ADCY8: variants seen among roughly 807,000 people sequenced by gnomAD.
The protein encoded by ADCY8 is adenylate cyclase 8.
A neutral mutation model predicts 119.7 loss-of-function variants in ADCY8; 51 were observed. That is an observed-to-expected ratio of 0.43 (90% CI 0.34 to 0.54). The LOEUF (loss-of-function observed/expected upper bound fraction) is 0.54. ADCY8 is among the 20% of genes least tolerant of loss of function. ADCY8 has a pLI of 0.03. For synonymous variants in ADCY8, 665 were observed against 651.0 expected (o/e 1.02, Z -0.33); for missense variants, 1,383 against 1,598.8 (o/e 0.87, Z 2.30).
chr8:130,798,382 T>A (rs2130101490), intron 15 of ADCY8, among the ~76,000 whole-genome samples: 1 of 152,282 alleles, frequency 6.6e-6, no homozygotes. Flanking sequence ...TTTCAGCTGG[T>A]CATGGAGTCG....
rs893713388 is a variant in ADCY8, at chr8:130,867,889, G to A, written c.2167C>T (p.Leu723Phe). ...KSNLVCAFIVLLFITAIQSLL... is the reference protein window; with the variant it reads ...KSNLVCAFIVFLFITAIQSLL... Reference sequence around the variant, plus strand: ...CTTTGTATTGCCGTGATAAATAGAAGAACGATAAATGCACAGACCAAGTTT... The same window carrying A: ...CTTTGTATTGCCGTGATAAATAGAAAAACGATAAATGCACAGACCAAGTTT... Residue 723 changes from leucine to phenylalanine, a missense_variant, in exon 9 of 18, where the codon CTT (leucine) becomes TTT (phenylalanine). By Grantham distance (22) the Leu-to-Phe change is conservative. Around this residue, in one of 2 missense-constraint regions of ADCY8, gnomAD observed 928 missense variants for 1,163.5 expected, o/e 0.80. Transcript: ENST00000286355. 1.1e-5 allele frequency: 17 copies of A among 1,611,500 alleles called. No individual in the cohort carries two copies. The highest frequency in any genetic ancestry group is 1.4e-5 in the Non-Finnish European group (16 of 1,178,736).
intron 2 of ADCY8, among the ~76,000 whole-genome samples, chr8:130,966,970 A>G (rs1001638037): frequency 5.9e-5 from 9 of 152,340 alleles, no homozygotes; most frequent in East Asian, 5.8e-4. Context: ...CACTCTTAGA[A>G]AAAAGGAATT....
chr8:130,793,210 G>T (rs1423934228), intron 15 of ADCY8, among the ~76,000 whole-genome samples: 1 of 152,086 alleles, frequency 6.6e-6, no homozygotes, highest in African/African-American at 2.4e-5. Context: ...CTATGGATCA[G>T]TTCCACGTCC....
intron 7 of ADCY8, among the ~76,000 whole-genome samples, chr8:130,887,179 T>C (rs1161819376): frequency 6.6e-6 from 1 of 152,212 alleles, no homozygotes; most frequent in African/African-American, 2.4e-5. Flanking sequence ...CATTGCTTCC[T>C]GGTTGCCTGT....
intron 2 of ADCY8, among the ~76,000 whole-genome samples, chr8:130,976,890 T>G (rs1822088403): frequency 6.6e-6 from 1 of 152,222 alleles, no homozygotes; most frequent in South Asian, 2.1e-4. Flanking sequence ...GAGCTCATTT[T>G]ATATCAAAAC....
At chr8:130,952,602 C>A (rs977006806) in intron 2 of ADCY8, among the ~76,000 whole-genome samples, 4 of 152,136 alleles carry the variant, frequency 2.6e-5, no homozygotes, top group Admixed American at 1.3e-4. Flanking sequence ...TTAATTCCAA[C>A]TACAACTGAA....
At chr8:130,838,395 T>G (rs1034258565) in intron 11 of ADCY8, among the ~76,000 whole-genome samples, 4 of 152,198 alleles carry the variant, frequency 2.6e-5, no homozygotes, top group Admixed American at 6.5e-5. Flanking sequence ...TTTAAGATCT[T>G]GGGGAAGATT....
intron 11 of ADCY8, among the ~76,000 whole-genome samples, chr8:130,844,780 G>A (rs1433758727): frequency 6.6e-6 from 1 of 152,164 alleles, no homozygotes; most frequent in Non-Finnish European, 1.5e-5. Flanking sequence ...TGTGGCTGTA[G>A]TTTGCTGACC....
rs141959830 is a variant in ADCY8, at chr8:130,879,376, G to C, written c.2109+5188C>G. 3.7e-4 allele frequency among the ~76,000 whole-genome samples: 57 copies of C among 152,274 alleles called. No individual in the cohort carries two copies. In the East Asian group the frequency reaches 9.3e-3, roughly 25 times the overall value. On this transcript the variant is annotated intron_variant, in intron 8 of 17. Coordinates refer to ENST00000286355, the MANE Select transcript of ADCY8 (RefSeq NM_001115.3). ...CCATCAAGGTATAAGAAATGTGCAA[G>C]TCACAAAAGGAGAATTATAAAGGCC... is the stretch of plus-strand genomic sequence containing the variant.
At chr8:130,906,864 C>T (rs746436039) in intron 6 of ADCY8, among the ~76,000 whole-genome samples, 14 of 151,288 alleles carry the variant, frequency 9.3e-5, no homozygotes, top group African/African-American at 1.7e-4. Context: ...ATATAATTTC[C>T]GTTCTTTCAA....
chr8:130,849,742 T>G lies in ADCY8; in HGVS notation c.2272A>C (p.Ile758Leu). 1 of 1,613,926 alleles carries G rather than the reference T, an allele frequency of 6.2e-7. No homozygotes were observed. The change falls in exon 10 of 18, where the codon ATC becomes CTC. Residue 758 changes from isoleucine (I) to leucine (L), a missense_variant. Transcript: ENST00000286355. ...LIMLHSALVLITTAEDYKCLP... is the reference protein window; with the variant it reads ...LIMLHSALVLLTTAEDYKCLP... ...CATTTATAATCCTCTGCTGTGGTGA[T>G]GAGGACCAGAGCCGAGTGCAGCATA...
intron 6 of ADCY8, among the ~76,000 whole-genome samples, chr8:130,905,830 A>G (rs1223942162): frequency 6.6e-6 from 1 of 152,212 alleles, no homozygotes; most frequent in Admixed American, 6.5e-5. Flanking sequence ...ACTGCACTTC[A>G]TTCTGGAGGA....
chr8:130,959,370 C>T (rs1200844519), intron 2 of ADCY8, among the ~76,000 whole-genome samples: 1 of 152,106 alleles, frequency 6.6e-6, no homozygotes, highest in Non-Finnish European at 1.5e-5. Flanking sequence ...ACACATTCTT[C>T]ATTTAATCTT....
chr8:131,034,548 A>AT (rs1413577662), intron 1 of ADCY8, among the ~76,000 whole-genome samples: 2 of 152,080 alleles, frequency 1.3e-5, no homozygotes, highest in Non-Finnish European at 2.9e-5. Context: ...ATTCTTTAGC[A>AT]TTTTTCTGGC....
intron 9 of ADCY8, among the ~76,000 whole-genome samples, chr8:130,864,465 G>T (rs893960829): frequency 6.6e-6 from 1 of 151,840 alleles, no homozygotes; most frequent in Non-Finnish European, 1.5e-5. Flanking sequence ...TCTCCTTTTG[G>T]TAATCTAATT....
At chr8:130,928,584 T>C (rs557922628) in intron 5 of ADCY8, among the ~76,000 whole-genome samples, 7 of 152,362 alleles carry the variant, frequency 4.6e-5, no homozygotes, top group Non-Finnish European at 8.8e-5. Context: ...TATTGATCCA[T>C]GTATGTTGAA....
intron 1 of ADCY8, among the ~76,000 whole-genome samples, chr8:131,022,817 C>T (rs1486956488): frequency 2.0e-5 from 3 of 152,140 alleles, no homozygotes; most frequent in Non-Finnish European, 4.4e-5. Context: ...ATGTAAGTGG[C>T]TCCAGGGTAG....
chr8:130,969,611 T>C (rs73348549), intron 2 of ADCY8, among the ~76,000 whole-genome samples: 4,953 of 152,314 alleles, frequency 0.033, 201 homozygotes, highest in African/African-American at 0.091. Flanking sequence ...CTGGCCACAA[T>C]GATTTGCCAA....
chr8:130,865,214 T>A (rs1049504821), intron 9 of ADCY8, among the ~76,000 whole-genome samples: 5 of 152,154 alleles, frequency 3.3e-5, no homozygotes, highest in Admixed American at 1.3e-4. Context: ...TCTGTCAATC[T>A]TTTAAATTTT....
Sources: gnomAD v4.1 joint callset for allele counts (sites outside exome capture counted in the v4.1 genomes callset) on GRCh38, gnomAD v4.1.1 for gene constraint, gnomAD v4.1.1 regional missense constraint, MANE v1.5 for transcripts, NCBI Gene and HGNC (gene_info 2026-07-23, HGNC 2026-07-21) for gene names.